Variants in DDHD1 observed in about 807,000 individuals in gnomAD.
DDHD1 encodes phospholipase DDHD1.
Under a neutral mutation model 96.4 loss-of-function variants are expected in DDHD1, and 49 were observed. That is an observed-to-expected ratio of 0.51 (90% confidence interval 0.40 to 0.64). The LOEUF (loss-of-function observed/expected upper bound fraction) is 0.64, where lower values mean the gene tolerates loss of function less well. DDHD1 is among the 30% of genes least tolerant of loss of function. The pLI is 0.00. For missense variants in DDHD1, 1,106 were observed against 1,161.2 expected, an observed-to-expected ratio of 0.95 and a Z score of 0.69; for synonymous variants, 442 against 446.5, an observed-to-expected ratio of 0.99 and a Z score of 0.13.
rs1566616872 is a variant in DDHD1, at chr14:53,152,907, C to G, written c.192G>C (p.Gly64=). ...VPLALLRGEP[G]LHLAPGTDDH... ...CGTCGGTGCCCGGCGCCAAATGCAG[C>G]CCGGGTTCCCCGCGCAGCAGGGCCA... Residue 64 remains glycine, a synonymous_variant, in exon 1 of 13, where the codon GGG becomes GGC. Transcript: ENST00000673822. 1 of 1,607,882 alleles carries G rather than the reference C, an allele frequency of 6.2e-7. No homozygotes were observed. Among genetic ancestry groups the G allele is most frequent in the Non-Finnish European group, 8.5e-7 (1 of 1,177,616 alleles).
chr14:53,080,722 T>C (rs1407960583), intron 4 of DDHD1, among the ~76,000 whole-genome samples: 3 of 147,536 alleles, frequency 2.0e-5, no homozygotes, highest in Non-Finnish European at 4.5e-5. Context: ...TCCCCCTTTT[T>C]TTTTTTTTTT....
intron 4 of DDHD1, among the ~76,000 whole-genome samples, chr14:53,085,655 C>A (rs1311684250): frequency 1.3e-5 from 2 of 152,158 alleles, no homozygotes; most frequent in Non-Finnish European, 2.9e-5. Context: ...TCACCATCAT[C>A]AAAGAACAAA....
intron 6 of DDHD1, among the ~76,000 whole-genome samples, chr14:53,069,955 C>T (rs1884372642): frequency 6.6e-6 from 1 of 152,164 alleles, no homozygotes; most frequent in Admixed American, 6.5e-5. Flanking sequence ...TTTATCATAG[C>T]CATTGGTTCC....
At chr14:53,140,975 G>T (rs1890603683) in intron 1 of DDHD1, among the ~76,000 whole-genome samples, 2 of 152,048 alleles carry the variant, frequency 1.3e-5, no homozygotes, top group Admixed American at 6.5e-5. Context: ...AGATAAAGGG[G>T]GATATTTCAA....
rs554124056 is a variant in DDHD1, at chr14:53,120,140, T to C, written c.839-16284A>G. The stretch of plus-strand genomic sequence containing the variant: ...ATCAATGTGCAAAAATCACAAGCAT[T>C]CTTATACACCAATAATAGACAAGCA... On this transcript the variant is annotated intron_variant, in intron 1 of 12. Transcript: ENST00000673822. Among the ~76,000 whole-genome samples, 161 of 152,334 alleles carry C rather than the reference T, an allele frequency of 1.1e-3. No homozygotes were observed. In the Middle Eastern group the frequency reaches 0.014, roughly 13 times the overall value.
intron 1 of DDHD1, among the ~76,000 whole-genome samples, chr14:53,129,122 G>GT (rs1310788664): frequency 6.6e-6 from 1 of 152,150 alleles, no homozygotes; most frequent in Non-Finnish European, 1.5e-5. Context: ...AAACAGCCTT[G>GT]TTGCTCACAC....
chr14:53,090,563 T>C (rs185582133), intron 4 of DDHD1, among the ~76,000 whole-genome samples: 1 of 152,356 alleles, frequency 6.6e-6, no homozygotes, highest in African/African-American at 2.4e-5. Context: ...GATGAGTTCA[T>C]GTCCTTTGTA....
intron 6 of DDHD1, 21 bp downstream of exon 6, chr14:53,072,576 C>A: frequency 1.4e-6 from 2 of 1,384,984 alleles, no homozygotes; most frequent in Non-Finnish European, 2.0e-6. Flanking sequence ...TACCCACCAG[C>A]AAGATAATCA....
intron 4 of DDHD1, among the ~76,000 whole-genome samples, chr14:53,085,366 C>A (rs1885858414): frequency 6.6e-6 from 1 of 152,186 alleles, no homozygotes; most frequent in Non-Finnish European, 1.5e-5. Context: ...GAGACACCTC[C>A]CAGTAGGGGC....
chr14:53,113,022 T>C (rs8004786), intron 1 of DDHD1, among the ~76,000 whole-genome samples: 151,381 of 152,210 alleles, frequency 0.99, 75,291 homozygotes, highest in Middle Eastern at 1. Flanking sequence ...TGCAGTGGCG[T>C]GATCTCAGCT....
At chr14:53,077,114 T>C (rs1295243525) in intron 4 of DDHD1, among the ~76,000 whole-genome samples, 1 of 152,192 alleles carries the variant, frequency 6.6e-6, no homozygotes, top group Non-Finnish European at 1.5e-5. Flanking sequence ...TGGTGTTGTT[T>C]AACATGTTCT....
chr14:53,140,300 G>A (rs1333442545), intron 1 of DDHD1, among the ~76,000 whole-genome samples: 2 of 151,842 alleles, frequency 1.3e-5, no homozygotes, highest in African/African-American at 4.9e-5. Flanking sequence ...TTGGTAGGTC[G>A]AGGTGGGTAG....
intron 1 of DDHD1, among the ~76,000 whole-genome samples, chr14:53,138,173 G>A (rs1890374602): frequency 6.6e-6 from 1 of 152,216 alleles, no homozygotes; most frequent in African/African-American, 2.4e-5. Context: ...CAGAGGCCGA[G>A]GTGGGCAGAT....
intron 12 of DDHD1, among the ~76,000 whole-genome samples, chr14:53,047,633 G>T (rs1290343930): frequency 6.6e-6 from 1 of 152,150 alleles, no homozygotes; most frequent in East Asian, 1.9e-4. Context: ...GAGCAGTGGT[G>T]ATTCTTGGGA....
intron 4 of DDHD1, among the ~76,000 whole-genome samples, chr14:53,083,384 C>G (rs897304382): frequency 5.3e-5 from 8 of 152,106 alleles, no homozygotes; most frequent in East Asian, 1.9e-4. Context: ...TTAAACTCCA[C>G]AAAAAGTAAA....
rs1474796723 is a variant in DDHD1, at chr14:53,038,455, A to T, written c.*8313T>A. On this transcript the variant is annotated 3_prime_UTR_variant, in exon 13 of 13. Transcript: ENST00000673822. ...AACTGAAATACTTAAAAATACACCTAACCAAGGAGGTGAAAGATCTCTACA... is the reference window on the plus strand; with the variant it reads ...AACTGAAATACTTAAAAATACACCTTACCAAGGAGGTGAAAGATCTCTACA... 1 of 152,162 alleles carries T rather than the reference A, an allele frequency of 6.6e-6. No homozygotes were observed. The highest frequency in any genetic ancestry group is 2.4e-5 in the African/African-American group (1 of 41,438). The allele number at this position is 152,162 out of a possible 1,614,324, so 9.4% of individuals were successfully genotyped here.
Position 53,153,135 on chromosome 14 carries a change from G to C in DDHD1, c.-37C>G. On this transcript the variant is annotated 5_prime_UTR_variant, in exon 1 of 13. Coordinates refer to ENST00000673822, the MANE Select transcript of DDHD1 (RefSeq NM_001160148.2). ...GCCGCCGGCTGTCCGGCGGCGCGCG[G>C]AGCCGTGACCCCCAGCGCTTCCGCC... The C allele has an allele frequency of 7.3e-7, 1 of 1,363,310 alleles. No homozygotes were observed. The highest frequency in any genetic ancestry group is 9.4e-7 in the Non-Finnish European group (1 of 1,066,196). The allele number at this position is 1,363,310 out of a possible 1,614,324, so 84.5% of individuals were successfully genotyped here. A position where few individuals can be genotyped will look rare whatever the true frequency, so the allele number is the denominator to read the frequency against.
chr14:53,114,599 G>A (rs1888403421), intron 1 of DDHD1, among the ~76,000 whole-genome samples: 1 of 152,228 alleles, frequency 6.6e-6, no homozygotes, highest in Non-Finnish European at 1.5e-5. Flanking sequence ...GGTCTGGAGT[G>A]GACCTCCAGC....
chr14:53,119,309 A>C (rs945206110), intron 1 of DDHD1, among the ~76,000 whole-genome samples: 2 of 152,252 alleles, frequency 1.3e-5, no homozygotes, highest in South Asian at 2.1e-4. Context: ...ATTCAAATGT[A>C]ACAATATTAA....
Sources: allele counts gnomAD v4.1 joint callset (sites outside exome capture counted in the v4.1 genomes callset), GRCh38; gene constraint gnomAD v4.1.1; transcripts MANE v1.5; gene names NCBI Gene and HGNC (gene_info 2026-07-23, HGNC 2026-07-21).